Variants in UBQLN1 observed in about 807,000 individuals in gnomAD.
UBQLN1 encodes ubiquilin 1, also known as ubiquilin-1.
A neutral mutation model predicts 65.4 loss-of-function variants in UBQLN1; 13 were observed. The ratio of observed to expected loss-of-function variants is 0.20; its 90% CI spans 0.13 to 0.32. UBQLN1 has a LOEUF of 0.32. Among genes scored for constraint, UBQLN1 ranks in the 10% least tolerant of loss-of-function variants. The pLI is 1.00. For synonymous variants in UBQLN1, 267 were observed against 247.8 expected (o/e 1.08, Z -0.73); for missense variants, 561 against 724.0 (o/e 0.77, Z 2.58).
intron 1 of UBQLN1, among the ~76,000 whole-genome samples, chr9:83,705,337 T>C (rs1832383420): frequency 6.8e-6 from 1 of 147,568 alleles, no homozygotes; most frequent in Non-Finnish European, 1.5e-5. Context: ...CTCTCCCAGG[T>C]TCAAGCGATG....
chr9:83,681,530 G>C (rs1309346087), intron 3 of UBQLN1, among the ~76,000 whole-genome samples: 1 of 152,218 alleles, frequency 6.6e-6, no homozygotes, highest in Non-Finnish European at 1.5e-5. Flanking sequence ...AACACTTAAT[G>C]AGTCTGGAGC....
In UBQLN1 at chr9:83,667,568, T is replaced by C. The variant is rs888727136; in HGVS notation, c.1249-1135A>G. The C allele has an allele frequency of 4.1e-6, 4 of 985,316 alleles. No homozygotes were observed. In the Admixed American group the frequency reaches 1.8e-4, roughly 45 times the overall value. The allele number at this position is 985,316 out of a possible 1,614,324, so 61.0% of individuals were successfully genotyped here. A position where few individuals can be genotyped will look rare whatever the true frequency, so the allele number is the denominator to read the frequency against. On this transcript the variant is annotated intron_variant, in intron 7 of 10. Coordinates refer to ENST00000376395, the MANE Select transcript of UBQLN1 (RefSeq NM_013438.5). ...AGTAAGTTCACAGTAAGTAAACTCA[T>C]ACAGGCTTAAGGTCAACAAACCTGC...
chr9:83,676,429 TATG>T (rs1564163652), intron 6 of UBQLN1, among the ~76,000 whole-genome samples: 1 of 152,206 alleles, frequency 6.6e-6, no homozygotes, highest in African/African-American at 2.4e-5. Flanking sequence ...AGTCAGGAAA[TATG>T]ATTAAATCTT....
Position 83,669,259 on chromosome 9 carries a change from G to C in UBQLN1, c.1174C>G (p.Gln392Glu). 6.2e-7 allele frequency: 1 copy of C among 1,612,886 alleles called. No individual in the cohort carries two copies. The highest frequency in any genetic ancestry group is 8.5e-7 in the Non-Finnish European group (1 of 1,179,784). The change falls in exon 7 of 11, where the codon CAA becomes GAA. Residue 392 changes from glutamine (Q) to glutamate (E), a missense_variant. By Grantham distance (29) the Gln-to-Glu change is conservative. Transcript: ENST00000376395. Reference protein sequence around the residue: ...QQITENPQLMQNMLSAPYMRS... With the variant: ...QQITENPQLMENMLSAPYMRS... ...ATGTAGGGGGCAGACAACATGTTTT[G>C]CATCAGTTGTGGGTTTTCAGTTATT...
At chr9:83,688,051 T>C (rs1832067846) in intron 1 of UBQLN1, among the ~76,000 whole-genome samples, 1 of 152,212 alleles carries the variant, frequency 6.6e-6, no homozygotes, top group African/African-American at 2.4e-5. Flanking sequence ...AATTTAACTA[T>C]ACTCCCATTA....
intron 1 of UBQLN1, among the ~76,000 whole-genome samples, chr9:83,690,868 T>C (rs1448037339): frequency 3.9e-5 from 6 of 152,202 alleles, no homozygotes. Context: ...GCGGGCGCAG[T>C]GGCTCACGCT....
At chr9:83,705,626 A>G (rs1275215507) in intron 1 of UBQLN1, among the ~76,000 whole-genome samples, 3 of 152,384 alleles carry the variant, frequency 2.0e-5, no homozygotes, top group South Asian at 2.1e-4. Flanking sequence ...GTCTAAGTAT[A>G]TAACCATGAA....
rs1832203022 is a variant in UBQLN1 at position 83,695,847 on chromosome 9, T to C, written c.181-9692A>G. On this transcript the variant is annotated intron_variant, in intron 1 of 10. Transcript: ENST00000376395. ...TGTGAAGTATGCTAATCCAACAGTC[T>C]CTGCAAACAGCAGATTTAAGTATCA... 2.6e-5 allele frequency among the ~76,000 whole-genome samples: 4 copies of C among 151,812 alleles called. No homozygotes were observed. In the South Asian group the frequency reaches 8.3e-4, roughly 31 times the overall value.
chr9:83,691,556 C>A (rs1832129577), intron 1 of UBQLN1, among the ~76,000 whole-genome samples: 1 of 152,186 alleles, frequency 6.6e-6, no homozygotes, highest in African/African-American at 2.4e-5. Flanking sequence ...GTCCTAGATG[C>A]AGTAGAGTAG....
chr9:83,668,116 A>G, intron 7 of UBQLN1: 1 of 985,394 alleles, frequency 1.0e-6, no homozygotes, highest in Non-Finnish European at 1.2e-6. Context: ...GATAAGTTTC[A>G]TATGCATAAA....
chr9:83,669,890 C>T (rs900798786), intron 6 of UBQLN1, among the ~76,000 whole-genome samples: 5 of 152,262 alleles, frequency 3.3e-5, no homozygotes, highest in South Asian at 4.1e-4. Flanking sequence ...AGCCTGATTA[C>T]GTGGGTTCAA....
chr9:83,663,836 A>C lies in UBQLN1; in HGVS notation c.1617+39T>G, dbSNP rs2131139879. The C allele has an allele frequency of 1.9e-6, 3 of 1,582,510 alleles. No individual in the cohort carries two copies. The South Asian group carries it at 3.5e-5, about 18-fold the overall frequency. On this transcript the variant is annotated intron_variant, in intron 10 of 10. Transcript: ENST00000376395. ...TTTTGGAAATTTCTAAATTTCCAAC[A>C]TTAAGGAATACAAAACTTGAATGGA...
chr9:83,669,941 G>A (rs903193240), intron 6 of UBQLN1, among the ~76,000 whole-genome samples: 4 of 152,252 alleles, frequency 2.6e-5, no homozygotes, highest in African/African-American at 2.4e-5. Flanking sequence ...GTTATCTAGC[G>A]TCTTCATACT....
intron 1 of UBQLN1, among the ~76,000 whole-genome samples, chr9:83,688,667 C>A (rs11140214): frequency 0.35 from 52,729 of 151,530 alleles, 9,575 homozygotes; most frequent in Middle Eastern, 0.5. Context: ...TAGAGAACAT[C>A]TTGGCCAACA....
chr9:83,697,240 T>C (rs1295794488), intron 1 of UBQLN1, among the ~76,000 whole-genome samples: 2 of 113,270 alleles, frequency 1.8e-5, no homozygotes, highest in Non-Finnish European at 3.4e-5. Context: ...TCTCAGTATC[T>C]TCTGGTTTTT....
intron 6 of UBQLN1, among the ~76,000 whole-genome samples, chr9:83,674,836 A>C (rs1831803767): frequency 6.6e-6 from 1 of 152,220 alleles, no homozygotes; most frequent in Admixed American, 6.5e-5. Context: ...AACCAGGGTA[A>C]GACCATTTTT....
chr9:83,661,727 T>C lies in UBQLN1; in HGVS notation c.*60A>G. On this transcript the variant is annotated 3_prime_UTR_variant, in exon 11 of 11. Transcript: ENST00000376395. ...GTCAAAATGAAATAAAGCAGGTATT[T>C]TAAAGTTTAAGAGCCGTTATCAAAA... 6.6e-7 allele frequency: 1 copy of C among 1,523,382 alleles called. No individual in the cohort carries two copies. Among genetic ancestry groups the C allele is most frequent in the East Asian group, 2.3e-5 (1 of 44,144 alleles). The allele number at this position is 1,523,382 out of a possible 1,614,324, so 94.4% of individuals were successfully genotyped here.
chr9:83,669,368 A>T (rs1587640067), intron 6 of UBQLN1, 41 bp from the exon 7 acceptor site: 2 of 1,542,430 alleles, frequency 1.3e-6, no homozygotes, highest in East Asian at 4.6e-5. Context: ...AAGGAAAAAT[A>T]CTTAAACAAA....
chr9:83,680,418 G>C (rs949095408), intron 3 of UBQLN1, among the ~76,000 whole-genome samples: 1 of 152,030 alleles, frequency 6.6e-6, no homozygotes, highest in African/African-American at 2.4e-5. Context: ...TAGGCCCCTG[G>C]AAAGCCTCAG....
Sources: allele counts gnomAD v4.1 joint callset (sites outside exome capture counted in the v4.1 genomes callset), GRCh38; gene constraint gnomAD v4.1.1; transcripts MANE v1.5; gene names NCBI Gene and HGNC (gene_info 2026-07-23, HGNC 2026-07-21).